Variants in UHRF1 observed in about 807,000 individuals in gnomAD.
UHRF1 encodes E3 ubiquitin-protein ligase UHRF1.
A neutral mutation model predicts 96.5 loss-of-function variants in UHRF1; 9 were observed. That is an observed-to-expected ratio of 0.09 (90% confidence interval 0.06 to 0.16). The LOEUF (loss-of-function observed/expected upper bound fraction) is 0.16, where lower values mean the gene tolerates loss of function less well. Ranked by LOEUF, UHRF1 falls within the 10% of genes least tolerant of loss-of-function variation. The pLI, the probability that UHRF1 is intolerant of heterozygous loss-of-function variation, is 1.00. For synonymous variants in UHRF1, 455 were observed against 469.9 expected, an observed-to-expected ratio of 0.97 and a Z score of 0.41; for missense variants, 626 against 1,131.1, an observed-to-expected ratio of 0.55 and a Z score of 6.40.
chr19:4,940,654 C>T (rs980963721), intron 5 of UHRF1, among the ~76,000 whole-genome samples: 1 of 151,388 alleles, frequency 6.6e-6, no homozygotes, highest in African/African-American at 2.4e-5. Flanking sequence ...ATGTGAGCCA[C>T]GGTGCCCAAC....
chr19:4,918,430 T>G (rs370703708), intron 2 of UHRF1, among the ~76,000 whole-genome samples: 63 of 151,216 alleles, frequency 4.2e-4, no homozygotes, highest in East Asian at 3.5e-3. Flanking sequence ...CCTGTTTTTT[T>G]TTTTTTGAGA....
chr19:4,957,680 T>C (rs1255115595), intron 16 of UHRF1, among the ~76,000 whole-genome samples: 1 of 152,146 alleles, frequency 6.6e-6, no homozygotes. Context: ...CTGTGGGCCT[T>C]GGGGCTGGAT....
chr19:4,932,711 C>G (rs182946132), intron 4 of UHRF1, 30 bp from the exon 5 acceptor site: 2 of 1,609,458 alleles, frequency 1.2e-6, no homozygotes, highest in African/African-American at 1.3e-5. Flanking sequence ...GGTCTTAGCA[C>G]GGGGTCTAAG....
At chr19:4,935,809 A>G (rs918317226) in intron 5 of UHRF1, among the ~76,000 whole-genome samples, 2 of 152,120 alleles carry the variant, frequency 1.3e-5, no homozygotes, top group African/African-American at 2.4e-5. Context: ...ACGCCTACAA[A>G]TGCGTGGTTG....
chr19:4,932,840 C>G lies in UHRF1; in HGVS notation c.669C>G (p.Val223=). The G allele has an allele frequency of 6.2e-7, 1 of 1,613,870 alleles. No individual in the cohort carries two copies. Among genetic ancestry groups the G allele is most frequent in the Non-Finnish European group, 8.5e-7 (1 of 1,179,890 alleles). ...KWQDLEVGQV[V]MLNYNPDNPK... is the part of the protein sequence containing the mutation. ...AGGACCTGGAGGTGGGCCAGGTGGT[C>G]ATGCTCAACTACAACCCCGACAACC... is the stretch of plus-strand genomic sequence containing the variant. The change falls in exon 5 of 17, where the codon GTC becomes GTG. Residue 223 remains valine, a synonymous_variant. Transcript: ENST00000650932.
At position 4,956,803 on chromosome 19, in the gene UHRF1, A is replaced by G; in HGVS notation, c.2225A>G (p.Asn742Ser). 3.1e-6 allele frequency: 5 copies of G among 1,607,802 alleles called. No individual in the cohort carries two copies. Among genetic ancestry groups the G allele is most frequent in the Non-Finnish European group, 3.4e-6 (4 of 1,177,038 alleles). The change falls in exon 16 of 17, where the codon AAC becomes AGC. Residue 742 changes from asparagine (N) to serine (S), a missense_variant. Transcript: ENST00000650932. ...FRPITTVCQH[N>S]VCKDCLDRSF... ...CCCATCACGACCGTGTGCCAGCACAACGTGTGCAAGGTGAGTAGAGATGGC... is the reference window on the plus strand; with the variant it reads ...CCCATCACGACCGTGTGCCAGCACAGCGTGTGCAAGGTGAGTAGAGATGGC...
At chr19:4,908,588 T>C (rs1251684998), upstream of UHRF1, among the ~76,000 whole-genome samples, 1 of 152,110 alleles carries the variant, frequency 6.6e-6, no homozygotes, top group African/African-American at 2.4e-5. Flanking sequence ...CCTTGGAGTC[T>C]CATCTCCGAT....
At position 4,910,972 on chromosome 19, in the gene UHRF1, G is replaced by A. The variant is rs1568404474; in HGVS notation, c.87G>A (p.Arg29=). 1.9e-6 allele frequency: 3 copies of A among 1,613,326 alleles called. No individual in the cohort carries two copies. Among genetic ancestry groups the A allele is most frequent in the Non-Finnish European group, 2.5e-6 (3 of 1,179,460 alleles). ...GGCTGACCAAGGTGGAGGAGCTGAG[G>A]CGGAAGATCCAGGAGCTGTTCCACG... is the stretch of plus-strand genomic sequence containing the variant. ...LSRLTKVEEL[R]RKIQELFHVE... is the part of the protein sequence containing the mutation. Residue 29 remains arginine, a synonymous_variant, in exon 2 of 17, where the codon AGG becomes AGA. Coordinates refer to ENST00000650932, the MANE Select transcript of UHRF1 (RefSeq NM_001048201.3).
At chr19:4,956,314 C>T (rs550435863) in intron 15 of UHRF1, among the ~76,000 whole-genome samples, 1 of 152,266 alleles carries the variant, frequency 6.6e-6, no homozygotes, top group Non-Finnish European at 1.5e-5. Flanking sequence ...ATCCTCTTGT[C>T]TTGGCCTTCC....
intron 5 of UHRF1, among the ~76,000 whole-genome samples, chr19:4,935,885 C>A (rs894082772): frequency 6.6e-6 from 1 of 152,128 alleles, no homozygotes; most frequent in Non-Finnish European, 1.5e-5. Context: ...CAGCTGCTGC[C>A]CGTTTACCCT....
At chr19:4,927,670 G>T (rs929082671) in intron 2 of UHRF1, among the ~76,000 whole-genome samples, 11 of 152,318 alleles carry the variant, frequency 7.2e-5, no homozygotes, top group African/African-American at 2.6e-4. Flanking sequence ...GCCTCTAGGG[G>T]ACACATGGTG....
intron 2 of UHRF1, among the ~76,000 whole-genome samples, chr19:4,911,327 A>G (rs934461790): frequency 1.3e-5 from 2 of 152,144 alleles, no homozygotes; most frequent in Non-Finnish European, 2.9e-5. Context: ...TAATGGCTAG[A>G]GAAAGAAGTT....
intron 10 of UHRF1, among the ~76,000 whole-genome samples, chr19:4,946,598 T>C (rs2033573349): frequency 6.6e-6 from 1 of 152,018 alleles, no homozygotes; most frequent in Non-Finnish European, 1.5e-5. Flanking sequence ...TTTTCTTTTT[T>C]TTGAGACCGA....
chr19:4,930,645 G>T lies in UHRF1; in HGVS notation c.409-71G>T. 6.5e-7 allele frequency: 1 copy of T among 1,542,838 alleles called. No homozygotes were observed. ...CTGGTTCCAGAGCATCCCAGTGTCC[G>T]AGAACCAAGGTGGTCTCCCGTCAGT... On this transcript the variant is annotated intron_variant, in intron 3 of 16. Transcript: ENST00000650932. This position sits in a 1 kb window ranked among gnomAD's most constrained non-coding sequence, Gnocchi z 4.4.
At chr19:4,923,062 A>G (rs2032752810) in intron 2 of UHRF1, among the ~76,000 whole-genome samples, 2 of 152,140 alleles carry the variant, frequency 1.3e-5, no homozygotes, top group South Asian at 4.1e-4. Flanking sequence ...GGGGCTGCCC[A>G]TTAGCCTGGC....
intron 4 of UHRF1, 126 bp from the exon 5 acceptor site, chr19:4,932,615 A>C (rs574131530): frequency 2.0e-6 from 2 of 976,238 alleles, no homozygotes; most frequent in African/African-American, 1.6e-5. Flanking sequence ...CAACACCAGC[A>C]TATAAGCCTG....
chr19:4,911,172 G>C, intron 2 of UHRF1, 134 bp downstream of exon 2: 1 of 856,784 alleles, frequency 1.2e-6, no homozygotes, highest in Non-Finnish European at 1.7e-6. Context: ...TCTCCCGGAA[G>C]GAGAAGTCCA....
intron 11 of UHRF1, among the ~76,000 whole-genome samples, chr19:4,947,635 G>A (rs1187419337): frequency 6.6e-6 from 1 of 151,474 alleles, no homozygotes; most frequent in Non-Finnish European, 1.5e-5. Flanking sequence ...TGAGTAGCTG[G>A]GATTACAGGT....
chr19:4,946,105 T>C, intron 10 of UHRF1, 140 bp downstream of exon 10: 1 of 625,824 alleles, frequency 1.6e-6, no homozygotes, highest in Non-Finnish European at 2.7e-6. Context: ...CCCATTGCTA[T>C]GCAACCATCA....
Sources: gnomAD v4.1 joint callset for allele counts (sites outside exome capture counted in the v4.1 genomes callset) on GRCh38, gnomAD v4.1.1 for gene constraint, Gnocchi (gnomAD v3.1) non-coding constraint, MANE v1.5 for transcripts, NCBI Gene and HGNC (gene_info 2026-07-23, HGNC 2026-07-21) for gene names.